Variants in PAIP1 observed in about 807,000 individuals in gnomAD.
The protein encoded by PAIP1 is polyadenylate-binding protein-interacting protein 1.
PAIP1 carries 16 observed loss-of-function variants against 61.3 expected under a neutral mutation model. That is an observed-to-expected ratio of 0.26 (90% CI 0.18 to 0.40). The LOEUF is 0.40. Ranked by LOEUF, PAIP1 falls within the 10% of genes least tolerant of loss-of-function variation. PAIP1 has a pLI of 1.00. For missense variants in PAIP1, 416 were observed against 600.9 expected (o/e 0.69, Z 3.22); for synonymous variants, 187 against 226.2 (o/e 0.83, Z 1.56).
chr5:43,538,379 T>C (rs1747241822), intron 5 of PAIP1, among the ~76,000 whole-genome samples: 2 of 149,312 alleles, frequency 1.3e-5, no homozygotes, highest in South Asian at 4.1e-4. Context: ...AAGTAATGCA[T>C]ATGTTAAATA....
At chr5:43,533,657 T>C (rs1224592709) in intron 9 of PAIP1, 81 bp downstream of exon 9, 4 of 846,964 alleles carry the variant, frequency 4.7e-6, no homozygotes. Flanking sequence ...TACAATCTTG[T>C]GCTGGTGAGG....
At position 43,547,692 on chromosome 5, in the gene PAIP1, TATCTGAAGGTCACTGCATGCTATAAG is replaced by T; in HGVS notation, c.621+10_621+35del. On this transcript the variant is annotated intron_variant, in intron 3 of 10. Coordinates refer to ENST00000306846, the MANE Select transcript of PAIP1 (RefSeq NM_006451.5). ...CACTATCCTTGGGCTTCAAGGAAGCTATCTGAAGGTCACTGCATGCTATAAGCCAACATACCTGTTGATAGATGAGT... is the reference window on the plus strand; with the variant it reads ...CACTATCCTTGGGCTTCAAGGAAGCTCCAACATACCTGTTGATAGATGAGT... The T allele has an allele frequency of 7.1e-7, 1 of 1,406,842 alleles. No homozygotes were observed. The highest frequency in any genetic ancestry group is 2.0e-5 in the Admixed American group (1 of 49,140). The allele number at this position is 1,406,842 out of a possible 1,614,324, so 87.1% of individuals were successfully genotyped here.
At position 43,540,204 on chromosome 5, in the gene PAIP1, GTAAGATATTT is replaced by G. The variant is rs553576063; in HGVS notation, c.735-1179_735-1170del. On this transcript the variant is annotated intron_variant, in intron 4 of 10. Transcript: ENST00000306846. ...ACATCTTCTGTTTAAGTCAAATGTG[GTAAGATATTT>G]GTTATCATCTTGTACATATTAAATT... Among the ~76,000 whole-genome samples, 173 of 152,284 alleles carry G rather than the reference GTAAGATATTT, an allele frequency of 1.1e-3. 1 individual carries two copies. Among genetic ancestry groups the G allele is most frequent in the East Asian group, 5.0e-3 (26 of 5,188 alleles).
intron 5 of PAIP1, among the ~76,000 whole-genome samples, chr5:43,538,541 C>G (rs1212383765): frequency 6.6e-6 from 1 of 152,088 alleles, no homozygotes. Flanking sequence ...TCTTTTCACT[C>G]AGAGTTCTGC....
At position 43,553,063 on chromosome 5, in the gene PAIP1, G is replaced by GTT. The variant is rs11453769; in HGVS notation, c.435+2765_435+2766dup. ...AGGGATTCTCTTAGAAAAAAAGCTC[G>GTT]TTTTTTTGCAGGGGAGGAAGGGGAC... On this transcript the variant is annotated intron_variant, in intron 2 of 10. Transcript: ENST00000306846. Among the ~76,000 whole-genome samples, 1,455 of 151,964 alleles carry GTT rather than the reference G, an allele frequency of 9.6e-3. 18 individuals carry two copies. The highest frequency in any genetic ancestry group is 0.034 in the African/African-American group (1,391 of 41,420).
At position 43,551,692 on chromosome 5, in the gene PAIP1, A is replaced by G. The variant is rs1233040000; in HGVS notation, c.436-3779T>C. Among the ~76,000 whole-genome samples, 3 of 152,106 alleles carry G rather than the reference A, an allele frequency of 2.0e-5. No individual in the cohort carries two copies. In the East Asian group the frequency reaches 5.8e-4, roughly 29 times the overall value. Reference sequence around the variant, plus strand: ...CTGAAAGTACTAATTTCCTGTTTCCATCAAATGTCATTCTTCGTGGCAAAA... The same window carrying G: ...CTGAAAGTACTAATTTCCTGTTTCCGTCAAATGTCATTCTTCGTGGCAAAA... On this transcript the variant is annotated intron_variant, in intron 2 of 10. Coordinates refer to ENST00000306846, the MANE Select transcript of PAIP1 (RefSeq NM_006451.5).
chr5:43,555,314 G>T (rs941044876), intron 2 of PAIP1, among the ~76,000 whole-genome samples: 9 of 152,180 alleles, frequency 5.9e-5, no homozygotes, highest in South Asian at 4.1e-4. Flanking sequence ...TTTCTCCAAT[G>T]ATTCCCTCCC....
intron 2 of PAIP1, among the ~76,000 whole-genome samples, chr5:43,552,758 G>A (rs950707411): frequency 6.6e-6 from 1 of 152,190 alleles, no homozygotes; most frequent in Non-Finnish European, 1.5e-5. Context: ...AACAATGGGA[G>A]GGAGCTTCTG....
At chr5:43,546,362 T>A (rs548282896) in intron 3 of PAIP1, among the ~76,000 whole-genome samples, 2 of 152,190 alleles carry the variant, frequency 1.3e-5, no homozygotes, top group Non-Finnish European at 2.9e-5. Context: ...ATAAATACAT[T>A]TGTTTCATTT....
intron 1 of PAIP1, chr5:43,556,299 G>A (rs1331400082): frequency 8.0e-7 from 1 of 1,248,148 alleles, no homozygotes; most frequent in East Asian, 3.2e-5. Context: ...TCTCGCTTTA[G>A]AGGGCTGCTG....
chr5:43,534,023 T>C (rs1349822448), intron 8 of PAIP1, among the ~76,000 whole-genome samples: 1 of 152,228 alleles, frequency 6.6e-6, no homozygotes, highest in Non-Finnish European at 1.5e-5. Context: ...TCTATTGTCT[T>C]TCAGTGAACT....
intron 9 of PAIP1, 103 bp from the exon 10 acceptor site, chr5:43,529,982 C>A: frequency 1.5e-6 from 1 of 655,290 alleles, no homozygotes. Context: ...TGCCCCCCTG[C>A]ATGCTCAGAA....
chr5:43,529,120 A>G (rs1746830570), intron 10 of PAIP1, among the ~76,000 whole-genome samples: 1 of 81,364 alleles, frequency 1.2e-5, no homozygotes, highest in Admixed American at 1.7e-4. Flanking sequence ...ATTCTCATGT[A>G]GTTCTCAAGA....
intron 4 of PAIP1, among the ~76,000 whole-genome samples, chr5:43,542,651 T>C (rs1747461028): frequency 6.6e-6 from 1 of 151,924 alleles, no homozygotes; most frequent in African/African-American, 2.4e-5. Context: ...ATAATGCAAG[T>C]GTGATAAAAG....
At chr5:43,541,949 G>C (rs1226628946) in intron 4 of PAIP1, among the ~76,000 whole-genome samples, 1 of 151,886 alleles carries the variant, frequency 6.6e-6, no homozygotes, top group Non-Finnish European at 1.5e-5. Context: ...GGCTGAGGTG[G>C]GCGGATCACT....
chr5:43,552,697 A>C (rs73751742), intron 2 of PAIP1, among the ~76,000 whole-genome samples: 1 of 152,318 alleles, frequency 6.6e-6, no homozygotes, highest in African/African-American at 2.4e-5. Context: ...AGGAGATTAT[A>C]CTCAGAGAGA....
rs1227799651 is a variant in PAIP1, at chr5:43,556,571, C to T, written c.265+11G>A. ...CCAAGGAGGACTGGGGCCCTTAGAG[C>T]TGCTCCGTACCTGGGAGCGCCCCGG... is the stretch of plus-strand genomic sequence containing the variant. On this transcript the variant is annotated intron_variant, in intron 1 of 10. Coordinates refer to ENST00000306846, the MANE Select transcript of PAIP1 (RefSeq NM_006451.5). 6.9e-5 allele frequency: 86 copies of T among 1,251,600 alleles called. 1 individual carries two copies. The highest frequency in any genetic ancestry group is 8.6e-5 in the Non-Finnish European group (85 of 993,374). 77.5% of individuals were successfully genotyped at this position (1,251,600 alleles called of 1,614,324 possible).
intron 2 of PAIP1, among the ~76,000 whole-genome samples, chr5:43,554,672 T>C (rs796460469): frequency 6.6e-5 from 10 of 152,194 alleles, no homozygotes; most frequent in African/African-American, 2.4e-4. Flanking sequence ...CCCACCAGAA[T>C]GGTTAAACAG....
At chr5:43,531,656 C>CGAAAAAAAAAAAAAAAAAAAAAAA (rs1746936496) in intron 9 of PAIP1, among the ~76,000 whole-genome samples, 1 of 59,868 alleles carries the variant, frequency 1.7e-5, no homozygotes, top group Non-Finnish European at 3.4e-5. Flanking sequence ...GACTCTGTCT[C>CGAAAAAAAAAAAAAAAAAAAAAAA]AAAAAAAAAA....
Sources: gnomAD v4.1 joint callset for allele counts (sites outside exome capture counted in the v4.1 genomes callset) on GRCh38, gnomAD v4.1.1 for gene constraint, MANE v1.5 for transcripts, NCBI Gene and HGNC (gene_info 2026-07-23, HGNC 2026-07-21) for gene names.